GNG2: variants seen among roughly 807,000 people sequenced by gnomAD.
The protein encoded by GNG2 is G protein subunit gamma 2.
In GNG2, 5 loss-of-function variants were observed where a neutral mutation model predicts 5.5. The observed-to-expected ratio is 0.91, with a 90% CI of 0.48 to 1.92. GNG2 has a LOEUF of 1.92. Among genes scored for constraint, GNG2 ranks in the 30% most tolerant of loss-of-function variants. The pLI is 0.01. For synonymous variants in GNG2, 28 were observed against 32.0 expected (o/e 0.88, Z 0.42); for missense variants, 55 against 88.4 (o/e 0.62, Z 1.52).
intron 2 of GNG2, among the ~76,000 whole-genome samples, chr14:51,837,188 A>T (rs909408341): frequency 1.3e-5 from 2 of 152,226 alleles, no homozygotes; most frequent in African/African-American, 4.8e-5. Flanking sequence ...ATGAAATAAA[A>T]ATAAACTGGA....
intron 2 of GNG2, among the ~76,000 whole-genome samples, chr14:51,840,939 T>C (rs979102371): frequency 5.3e-5 from 8 of 152,208 alleles, no homozygotes; most frequent in African/African-American, 1.9e-4. Flanking sequence ...GTACTACCTT[T>C]TACCACAGCG....
intron 2 of GNG2, among the ~76,000 whole-genome samples, chr14:51,939,172 C>A (rs976522295): frequency 3.2e-4 from 49 of 152,164 alleles, no homozygotes; most frequent in African/African-American, 1.1e-3. Flanking sequence ...GTGAACAAAG[C>A]CCACCTAGCG....
chr14:51,924,206 C>T (rs927160656), intron 2 of GNG2, among the ~76,000 whole-genome samples: 1 of 152,138 alleles, frequency 6.6e-6, no homozygotes, highest in Non-Finnish European at 1.5e-5. Context: ...CACTTGAGCC[C>T]GGTTTCTTAA....
At chr14:51,895,985 T>C (rs890373294) in intron 2 of GNG2, among the ~76,000 whole-genome samples, 1 of 152,236 alleles carries the variant, frequency 6.6e-6, no homozygotes, top group Non-Finnish European at 1.5e-5. Flanking sequence ...GAACTGTAAG[T>C]CCAATTAAAC....
intron 2 of GNG2, among the ~76,000 whole-genome samples, chr14:51,926,665 G>A (rs1036876263): frequency 6.6e-6 from 1 of 152,172 alleles, no homozygotes; most frequent in Non-Finnish European, 1.5e-5. Flanking sequence ...GCAGAGGGGA[G>A]GAGCCTGGCC....
intron 2 of GNG2, among the ~76,000 whole-genome samples, chr14:51,844,416 C>G (rs905523778): frequency 6.6e-6 from 1 of 152,130 alleles, no homozygotes; most frequent in African/African-American, 2.4e-5. Flanking sequence ...CTCATGATGT[C>G]ACAGTGAAGA....
intron 2 of GNG2, among the ~76,000 whole-genome samples, chr14:51,933,489 T>A (rs1461318536): frequency 6.6e-6 from 1 of 152,178 alleles, no homozygotes; most frequent in African/African-American, 2.4e-5. Context: ...GGGACAGGTT[T>A]TATTTTTGTT....
intron 2 of GNG2, among the ~76,000 whole-genome samples, chr14:51,843,635 C>T (rs1334028947): frequency 3.3e-5 from 5 of 151,984 alleles, no homozygotes; most frequent in African/African-American, 9.7e-5. Flanking sequence ...GCCCTCAACC[C>T]TACTTTCTTT....
At chr14:51,942,595 T>TCTTTCTTTCTTTCTTTCTTTC (rs1413000965) in intron 2 of GNG2, among the ~76,000 whole-genome samples, 135 of 125,294 alleles carry the variant, frequency 1.1e-3, no homozygotes, top group Non-Finnish European at 1.4e-3. Flanking sequence ...CTTTCTTTTT[T>TCTTTCTTTCTTTCTTTCTTTC]TTTTTTTTTT....
intron 2 of GNG2, among the ~76,000 whole-genome samples, chr14:51,853,511 C>A (rs1882009207): frequency 6.6e-6 from 1 of 152,206 alleles, no homozygotes; most frequent in Non-Finnish European, 1.5e-5. Context: ...GTAGGGAAAT[C>A]AACAAAGACA....
intron 2 of GNG2, among the ~76,000 whole-genome samples, chr14:51,918,745 AG>A (rs1249076252): frequency 6.6e-6 from 1 of 152,216 alleles, no homozygotes. Flanking sequence ...TCATTGTAAA[AG>A]GGTTGAAATA....
At chr14:51,945,858 A>G (rs1312619272) in intron 2 of GNG2, among the ~76,000 whole-genome samples, 2 of 152,070 alleles carry the variant, frequency 1.3e-5, no homozygotes, top group Non-Finnish European at 2.9e-5. Context: ...TTGCACAGGT[A>G]AACATCGGAA....
chr14:51,963,589 G>A (rs1466103921), intron 3 of GNG2, among the ~76,000 whole-genome samples: 3 of 152,154 alleles, frequency 2.0e-5, no homozygotes, highest in Admixed American at 2.0e-4. Flanking sequence ...CTTTCATTTT[G>A]TCATAGAAGC....
intron 1 of GNG2, among the ~76,000 whole-genome samples, chr14:51,865,166 G>A (rs1403433484): frequency 1.3e-5 from 2 of 152,108 alleles, no homozygotes; most frequent in Non-Finnish European, 2.9e-5. Flanking sequence ...TGTGCTGGGG[G>A]CCAGGGGTGG....
chr14:51,937,033 T>C (rs35429944), intron 2 of GNG2, among the ~76,000 whole-genome samples: 8,677 of 152,254 alleles, frequency 0.057, 497 homozygotes, highest in East Asian at 0.28. Flanking sequence ...TCTATCAGCA[T>C]GGGCAATAGC....
rs996356386 is a variant in GNG2 at position 51,951,978 on chromosome 14, G to A, written c.87+1213G>A. 6.7e-5 allele frequency: 46 copies of A among 683,426 alleles called. No homozygotes were observed. In the African/African-American group the frequency reaches 7.5e-4, roughly 11 times the overall value. The allele number at this position is 683,426 out of a possible 1,614,324, so 42.3% of individuals were successfully genotyped here. ...GAGCTCTATAAAAGGACCAATTACCGAACCACACCCAAACCAATTAAATTA... is the reference window on the plus strand; with the variant it reads ...GAGCTCTATAAAAGGACCAATTACCAAACCACACCCAAACCAATTAAATTA... On this transcript the variant is annotated intron_variant, in intron 3 of 3. Coordinates refer to ENST00000556766, the MANE Select transcript of GNG2 (RefSeq NM_053064.5).
intron 2 of GNG2, among the ~76,000 whole-genome samples, chr14:51,941,433 T>C (rs982313423): frequency 1.3e-5 from 2 of 152,236 alleles, no homozygotes; most frequent in African/African-American, 4.8e-5. Flanking sequence ...TTATTGCCAA[T>C]GTAATCCTAA....
In GNG2 at chr14:51,906,709, A is replaced by G. The variant is rs77039409; in HGVS notation, c.-30+29052A>G. Among the ~76,000 whole-genome samples, 424 of 150,478 alleles carry G rather than the reference A, an allele frequency of 2.8e-3. 1 individual carries two copies. The highest frequency in any genetic ancestry group is 9.8e-3 in the African/African-American group (405 of 41,200). ...CATCTCCCTATAATCACGAAAATAG[A>G]ACATATGTGTGTAGAATATATTTTG... On this transcript the variant is annotated intron_variant, in intron 2 of 3. Coordinates refer to ENST00000556766, the MANE Select transcript of GNG2 (RefSeq NM_053064.5).
At chr14:51,836,030 G>T (rs191266911) in intron 2 of GNG2, among the ~76,000 whole-genome samples, 1 of 151,614 alleles carries the variant, frequency 6.6e-6, no homozygotes, top group East Asian at 1.9e-4. Flanking sequence ...CAGTTTTGAA[G>T]GCTGAGGTAT....
Sources: gnomAD v4.1 joint callset for allele counts (sites outside exome capture counted in the v4.1 genomes callset) on GRCh38, gnomAD v4.1.1 for gene constraint, MANE v1.5 for transcripts, NCBI Gene and HGNC (gene_info 2026-07-23, HGNC 2026-07-21) for gene names.